RCAN2: variants seen among roughly 807,000 people sequenced by gnomAD.
RCAN2 encodes regulator of calcineurin 2, also known as calcipressin-2.
Under a neutral mutation model 23.6 loss-of-function variants are expected in RCAN2, and 9 were observed. The ratio of observed to expected loss-of-function variants is 0.38; its 90% CI spans 0.23 to 0.67. The LOEUF (loss-of-function observed/expected upper bound fraction) is 0.67. Among genes scored for constraint, RCAN2 ranks in the 30% least tolerant of loss-of-function variants. RCAN2 has a pLI of 0.51. For missense variants in RCAN2, 273 were observed against 302.3 expected, an observed-to-expected ratio of 0.90 and a Z score of 0.72; for synonymous variants, 109 against 115.7, an observed-to-expected ratio of 0.94 and a Z score of 0.37.
chr6:46,467,764 CCT>C (rs1268560715), intron 1 of RCAN2, among the ~76,000 whole-genome samples: 1 of 152,234 alleles, frequency 6.6e-6, no homozygotes, highest in African/African-American at 2.4e-5. Flanking sequence ...CATTCTTCTC[CCT>C]CTCACCTACT....
chr6:46,376,464 G>A (rs1465747507), intron 2 of RCAN2, among the ~76,000 whole-genome samples: 1 of 152,216 alleles, frequency 6.6e-6, no homozygotes, highest in Non-Finnish European at 1.5e-5. Flanking sequence ...AGTGGATCAC[G>A]ATGCCAGGAG....
chr6:46,370,180 T>A (rs897711001), intron 2 of RCAN2, among the ~76,000 whole-genome samples: 1 of 152,168 alleles, frequency 6.6e-6, no homozygotes, highest in Non-Finnish European at 1.5e-5. Flanking sequence ...TTCTTCCACA[T>A]TCAAATCACT....
chr6:46,318,067 G>A (rs1164349573), intron 2 of RCAN2, among the ~76,000 whole-genome samples: 3 of 152,114 alleles, frequency 2.0e-5, no homozygotes, highest in Non-Finnish European at 2.9e-5. Context: ...TTGATCCATG[G>A]AGATGAATAT....
intron 2 of RCAN2, among the ~76,000 whole-genome samples, chr6:46,386,428 G>A (rs1205293360): frequency 3.3e-5 from 5 of 149,714 alleles, no homozygotes; most frequent in Non-Finnish European, 5.9e-5. Context: ...GCAAAACCCC[G>A]TCTCTACTAA....
At chr6:46,268,621 C>A (rs1007824985) in intron 2 of RCAN2, among the ~76,000 whole-genome samples, 1 of 152,184 alleles carries the variant, frequency 6.6e-6, no homozygotes, top group Non-Finnish European at 1.5e-5. Flanking sequence ...TGGCCAAATA[C>A]GTGTGTATCA....
intron 1 of RCAN2, among the ~76,000 whole-genome samples, chr6:46,460,353 T>C (rs1284409910): frequency 6.6e-6 from 1 of 152,228 alleles, no homozygotes; most frequent in African/African-American, 2.4e-5. Context: ...TCAGACACTG[T>C]GCCCAGCCTG....
chr6:46,417,396 A>AG (rs1206840860), intron 2 of RCAN2, among the ~76,000 whole-genome samples: 29 of 152,336 alleles, frequency 1.9e-4, no homozygotes, highest in African/African-American at 6.7e-4. Context: ...ATTTGTTTCT[A>AG]AGCCTCCTGA....
chr6:46,413,367 T>G (rs541358981), intron 2 of RCAN2, among the ~76,000 whole-genome samples: 1 of 152,332 alleles, frequency 6.6e-6, no homozygotes, highest in South Asian at 2.1e-4. Flanking sequence ...GCTAATTAAA[T>G]TAGAAACGGT....
At chr6:46,487,250 T>C (rs1769019965) in intron 1 of RCAN2, among the ~76,000 whole-genome samples, 1 of 152,248 alleles carries the variant, frequency 6.6e-6, no homozygotes, top group Admixed American at 6.5e-5. Flanking sequence ...TTGTGGAATG[T>C]TGACGCTTCT....
At chr6:46,259,524 G>A (rs1025322915) in intron 2 of RCAN2, among the ~76,000 whole-genome samples, 2 of 152,090 alleles carry the variant, frequency 1.3e-5, no homozygotes, top group Admixed American at 6.5e-5. Flanking sequence ...CCAAAACATT[G>A]GTTTTTCTAT....
chr6:46,464,484 CA>C (rs1768316663), intron 1 of RCAN2, among the ~76,000 whole-genome samples: 1 of 152,076 alleles, frequency 6.6e-6, no homozygotes, highest in Non-Finnish European at 1.5e-5. Flanking sequence ...AGGGATAAGA[CA>C]AGCCTTTTGC....
At chr6:46,491,663 C>A (rs1180623694), upstream of RCAN2, among the ~76,000 whole-genome samples, 1 of 152,116 alleles carries the variant, frequency 6.6e-6, no homozygotes, top group East Asian at 1.9e-4. Flanking sequence ...CCCGCACCCC[C>A]TCCTTTCCAC....
chr6:46,356,187 C>T lies in RCAN2; in HGVS notation c.225+100565G>A, dbSNP rs148587830. ...AGTGGAACGCCTGGAAAAGAGGGAA[C>T]AGTCTATAGGCTCCTATTCACAAAC... On this transcript the variant is annotated intron_variant, in intron 2 of 4. Transcript: ENST00000371374. Among the ~76,000 whole-genome samples, 854 of 152,280 alleles carry T rather than the reference C, an allele frequency of 5.6e-3. 5 individuals carry two copies. Among genetic ancestry groups the T allele is most frequent in the African/African-American group, 0.019 (784 of 41,540 alleles).
intron 4 of RCAN2, among the ~76,000 whole-genome samples, chr6:46,227,723 T>TC (rs1765722820): frequency 6.6e-6 from 1 of 151,938 alleles, no homozygotes; most frequent in Non-Finnish European, 1.5e-5. Context: ...GTTGATCTTT[T>TC]CAAAAAACCA....
chr6:46,299,044 C>T (rs1028893757), intron 2 of RCAN2, among the ~76,000 whole-genome samples: 5 of 151,892 alleles, frequency 3.3e-5, no homozygotes, highest in African/African-American at 1.2e-4. Flanking sequence ...TAAGTGGGAG[C>T]TAAACACTGA....
At chr6:46,382,893 C>T (rs1244697575) in intron 2 of RCAN2, among the ~76,000 whole-genome samples, 1 of 152,168 alleles carries the variant, frequency 6.6e-6, no homozygotes, top group Non-Finnish European at 1.5e-5. Context: ...AATTGCTCAC[C>T]TACCGATAGT....
intron 2 of RCAN2, among the ~76,000 whole-genome samples, chr6:46,386,417 G>A (rs1765752538): frequency 6.6e-6 from 1 of 151,402 alleles, no homozygotes; most frequent in African/African-American, 2.4e-5. Context: ...TGGCCAACAT[G>A]GCAAAACCCC....
At chr6:46,231,682 T>C (rs1329676881) in intron 4 of RCAN2, among the ~76,000 whole-genome samples, 1 of 152,148 alleles carries the variant, frequency 6.6e-6, no homozygotes, top group Non-Finnish European at 1.5e-5. Flanking sequence ...AGTGCTGGGA[T>C]TACAGGTGTG....
At chr6:46,374,540 G>A (rs756357084) in intron 2 of RCAN2, among the ~76,000 whole-genome samples, 2 of 152,132 alleles carry the variant, frequency 1.3e-5, no homozygotes, top group Non-Finnish European at 2.9e-5. Context: ...AAAATATGAG[G>A]CTGATGGCAA....
Sources: gnomAD v4.1 joint callset for allele counts (sites outside exome capture counted in the v4.1 genomes callset) on GRCh38, gnomAD v4.1.1 for gene constraint, MANE v1.5 for transcripts, NCBI Gene and HGNC (gene_info 2026-07-23, HGNC 2026-07-21) for gene names.